The following LRMDA variants were observed in gnomAD, a reference collection of about 807,000 sequenced individuals.
LRMDA encodes the protein leucine rich melanocyte differentiation associated.
LRMDA carries 18 observed loss-of-function variants against 29.8 expected under a neutral mutation model. The ratio of observed to expected loss-of-function variants is 0.60; its 90% confidence interval spans 0.42 to 0.90. LRMDA has a LOEUF of 0.90. Ranked by LOEUF, LRMDA falls within the 40% of genes least tolerant of loss-of-function variation. The pLI is 0.00. For missense variants in LRMDA, 273 were observed against 273.9 expected, an observed-to-expected ratio of 1.00 and a Z score of 0.02; for synonymous variants, 125 against 109.4, an observed-to-expected ratio of 1.14 and a Z score of -0.89.
chr10:75,539,612 G>C (rs969073718), intron 2 of LRMDA, among the ~76,000 whole-genome samples: 1 of 152,180 alleles, frequency 6.6e-6, no homozygotes, highest in Non-Finnish European at 1.5e-5. Context: ...TAAATGTTCA[G>C]AAGCAGAACA....
At chr10:76,076,298 G>T (rs916591409) in intron 5 of LRMDA, among the ~76,000 whole-genome samples, 1 of 126,006 alleles carries the variant, frequency 7.9e-6, no homozygotes, top group Non-Finnish European at 1.6e-5. Flanking sequence ...AGCCGAGACC[G>T]CCATGCCACT....
At chr10:75,468,513 G>A (rs1194720268) in intron 2 of LRMDA, among the ~76,000 whole-genome samples, 2 of 152,152 alleles carry the variant, frequency 1.3e-5, no homozygotes, top group Non-Finnish European at 2.9e-5. Context: ...CTCAGCAGTA[G>A]ACTCCCCTTT....
At chr10:75,785,642 C>T (rs1235236540) in intron 2 of LRMDA, among the ~76,000 whole-genome samples, 2 of 152,146 alleles carry the variant, frequency 1.3e-5, no homozygotes, top group African/African-American at 4.8e-5. Context: ...TTAATGGAGT[C>T]CACATTGGGT....
At chr10:75,929,293 C>CTGTGTG (rs1356774992) in intron 2 of LRMDA, among the ~76,000 whole-genome samples, 1 of 108,314 alleles carries the variant, frequency 9.2e-6, no homozygotes, top group East Asian at 2.6e-4. Context: ...AATGCATGAT[C>CTGTGTG]TATGTGTGTG....
At chr10:76,442,604 G>A (rs1310367841) in intron 6 of LRMDA, among the ~76,000 whole-genome samples, 1 of 152,136 alleles carries the variant, frequency 6.6e-6, no homozygotes, top group Non-Finnish European at 1.5e-5. Flanking sequence ...GGGGTTAGAA[G>A]ATTGCTTGAG....
chr10:75,588,729 C>T (rs947005812), intron 2 of LRMDA, among the ~76,000 whole-genome samples: 1 of 152,102 alleles, frequency 6.6e-6, no homozygotes, highest in African/African-American at 2.4e-5. Context: ...CCCTATCTTC[C>T]CTGTTTCCAT....
intron 2 of LRMDA, among the ~76,000 whole-genome samples, chr10:75,485,149 T>C (rs1440953540): frequency 6.6e-6 from 1 of 152,224 alleles, no homozygotes; most frequent in African/African-American, 2.4e-5. Flanking sequence ...TTTAAACTTT[T>C]AGTATTTTCT....
chr10:76,075,834 G>A (rs945598650), intron 5 of LRMDA, among the ~76,000 whole-genome samples: 6 of 152,140 alleles, frequency 3.9e-5, no homozygotes, highest in African/African-American at 1.4e-4. Context: ...GTGGTACACT[G>A]AAGGACCCAG....
chr10:76,028,611 C>T (rs553665190), intron 2 of LRMDA, among the ~76,000 whole-genome samples: 2 of 152,010 alleles, frequency 1.3e-5, no homozygotes, highest in South Asian at 4.2e-4. Flanking sequence ...TTAACCAAGC[C>T]ACTGGCAAAA....
intron 2 of LRMDA, among the ~76,000 whole-genome samples, chr10:75,947,376 G>A (rs897640866): frequency 2.6e-5 from 4 of 152,174 alleles, no homozygotes; most frequent in African/African-American, 9.7e-5. Flanking sequence ...AGCTTTCCAA[G>A]CTTGTCTGTT....
chr10:75,579,196 CAG>C (rs1426364128), intron 2 of LRMDA, among the ~76,000 whole-genome samples: 2 of 151,882 alleles, frequency 1.3e-5, no homozygotes, highest in East Asian at 1.9e-4. Flanking sequence ...AAGAAGAAAA[CAG>C]AGAAGAATCA....
chr10:75,506,107 C>T (rs566317175), intron 2 of LRMDA, among the ~76,000 whole-genome samples: 12 of 152,156 alleles, frequency 7.9e-5, no homozygotes, highest in Admixed American at 3.9e-4. Flanking sequence ...GTAGAACAAG[C>T]TAAAATAAAC....
At chr10:75,511,730 C>T (rs1245599392) in intron 2 of LRMDA, among the ~76,000 whole-genome samples, 1 of 152,180 alleles carries the variant, frequency 6.6e-6, no homozygotes, top group Non-Finnish European at 1.5e-5. Flanking sequence ...CCAGATGGCT[C>T]AAGACACTTG....
intron 6 of LRMDA, among the ~76,000 whole-genome samples, chr10:76,511,270 G>A (rs954300524): frequency 2.6e-5 from 4 of 152,160 alleles, no homozygotes; most frequent in Non-Finnish European, 5.9e-5. Flanking sequence ...GGTTTCTACT[G>A]TGTGTGGGTG....
At chr10:75,714,365 C>A (rs1312068040) in intron 2 of LRMDA, among the ~76,000 whole-genome samples, 1 of 152,202 alleles carries the variant, frequency 6.6e-6, no homozygotes, top group Admixed American at 6.5e-5. Context: ...TGCTACCCTC[C>A]TGTGCACATC....
At chr10:76,468,428 TA>T (rs1188711798) in intron 6 of LRMDA, among the ~76,000 whole-genome samples, 2 of 152,290 alleles carry the variant, frequency 1.3e-5, no homozygotes, top group Admixed American at 6.5e-5. Flanking sequence ...CTGACCCCTT[TA>T]GGGGGAGTGT....
chr10:76,468,993 G>A (rs1842591932), intron 6 of LRMDA, among the ~76,000 whole-genome samples: 1 of 152,158 alleles, frequency 6.6e-6, no homozygotes, highest in African/African-American at 2.4e-5. Flanking sequence ...AAATGTAACT[G>A]GTGAAGATAA....
chr10:75,677,035 A>G (rs1189383105), intron 2 of LRMDA, among the ~76,000 whole-genome samples: 2 of 152,148 alleles, frequency 1.3e-5, no homozygotes, highest in African/African-American at 4.8e-5. Context: ...TTCACTTTTA[A>G]TTTTCTCAGA....
At chr10:75,434,477 C>T (rs548640418) in intron 1 of LRMDA, among the ~76,000 whole-genome samples, 2 of 152,144 alleles carry the variant, frequency 1.3e-5, no homozygotes, top group South Asian at 4.1e-4. Context: ...GAAACAGACT[C>T]GAAGATGGTG....
Sources: allele counts gnomAD v4.1 joint callset (sites outside exome capture counted in the v4.1 genomes callset), GRCh38; gene constraint gnomAD v4.1.1; transcripts MANE v1.5; gene names NCBI Gene and HGNC (gene_info 2026-07-23, HGNC 2026-07-21).